RBMS3: variants seen among roughly 807,000 people sequenced by gnomAD.
RBMS3 encodes RNA binding motif single stranded interacting protein 3, also known as RNA-binding motif, single-stranded-interacting protein 3.
A neutral mutation model predicts 66.8 loss-of-function variants in RBMS3; 27 were observed. That is an observed-to-expected ratio of 0.40 (90% CI 0.30 to 0.56). The LOEUF is 0.56. Among genes scored for constraint, RBMS3 ranks in the 20% least tolerant of loss-of-function variants. RBMS3 has a pLI of 0.40. For synonymous variants in RBMS3, 188 were observed against 183.0 expected (o/e 1.03, Z -0.22); for missense variants, 513 against 549.5 (o/e 0.93, Z 0.66).
At chr3:29,817,812 A>T (rs1490967861) in intron 6 of RBMS3, among the ~76,000 whole-genome samples, 2 of 152,018 alleles carry the variant, frequency 1.3e-5, no homozygotes, top group South Asian at 4.1e-4. Context: ...ATAGAATATT[A>T]TAAAAAAAAC....
intron 12 of RBMS3, among the ~76,000 whole-genome samples, chr3:29,970,057 G>A (rs189451425): frequency 4.9e-4 from 74 of 152,140 alleles, no homozygotes; most frequent in African/African-American, 1.2e-3. Flanking sequence ...GAGGATGTTC[G>A]TTTATATCCA....
intron 3 of RBMS3, among the ~76,000 whole-genome samples, chr3:29,508,498 A>G (rs1040610681): frequency 6.6e-6 from 1 of 152,170 alleles, no homozygotes; most frequent in East Asian, 1.9e-4. Context: ...AATGGTTTCC[A>G]GCTTCATCCA....
intron 3 of RBMS3, among the ~76,000 whole-genome samples, chr3:29,534,465 C>T (rs1458116628): frequency 2.0e-5 from 3 of 152,122 alleles, no homozygotes; most frequent in Non-Finnish European, 2.9e-5. Context: ...TAAATTCATA[C>T]TCTGTAATAG....
intron 7 of RBMS3, among the ~76,000 whole-genome samples, chr3:29,871,731 G>T (rs1577042125): frequency 6.6e-6 from 1 of 152,032 alleles, no homozygotes; most frequent in Non-Finnish European, 1.5e-5. Flanking sequence ...CATGTGAAAG[G>T]GATTTCTGAC....
chr3:29,975,004 ATT>A (rs1697477686), intron 12 of RBMS3, among the ~76,000 whole-genome samples: 1 of 105,310 alleles, frequency 9.5e-6, no homozygotes, highest in Admixed American at 1.1e-4. Flanking sequence ...ACGTTTCTAT[ATT>A]TATTTTATAT....
chr3:29,573,146 A>G (rs2149070066), intron 3 of RBMS3, among the ~76,000 whole-genome samples: 1 of 152,034 alleles, frequency 6.6e-6, no homozygotes, highest in African/African-American at 2.4e-5. Context: ...TTTGAGATGG[A>G]GTCTTGTTCT....
chr3:29,816,299 CAG>C (rs1312553394), intron 6 of RBMS3, among the ~76,000 whole-genome samples: 3 of 91,388 alleles, frequency 3.3e-5, no homozygotes, highest in African/African-American at 1.2e-4. Flanking sequence ...CAGACACACA[CAG>C]ACACACACAG....
chr3:29,938,661 A>G (rs2061323930), intron 11 of RBMS3, among the ~76,000 whole-genome samples: 1 of 151,928 alleles, frequency 6.6e-6, no homozygotes. Flanking sequence ...TGGAGTGACT[A>G]TTATCCAGTT....
chr3:29,734,458 C>A (rs1257753202), intron 4 of RBMS3, among the ~76,000 whole-genome samples: 1 of 152,056 alleles, frequency 6.6e-6, no homozygotes, highest in Admixed American at 6.5e-5. Context: ...ATGCTAATGA[C>A]CCTGATTCAA....
At chr3:29,319,180 A>G (rs2034865487) in intron 1 of RBMS3, among the ~76,000 whole-genome samples, 1 of 151,948 alleles carries the variant, frequency 6.6e-6, no homozygotes, top group Non-Finnish European at 1.5e-5. Context: ...TGACATAAGG[A>G]AAGGATTCAC....
intron 3 of RBMS3, among the ~76,000 whole-genome samples, chr3:29,552,351 A>G (rs1266993501): frequency 6.6e-6 from 1 of 152,100 alleles, no homozygotes; most frequent in African/African-American, 2.4e-5. Context: ...TCCCTTTTTG[A>G]ACTAGACATC....
chr3:29,977,672 A>G (rs756667889), intron 12 of RBMS3, among the ~76,000 whole-genome samples: 3 of 152,152 alleles, frequency 2.0e-5, no homozygotes, highest in Non-Finnish European at 2.9e-5. Flanking sequence ...ATGATTTCAT[A>G]ATAGGTAAAA....
chr3:29,961,191 C>T lies in RBMS3; in HGVS notation c.1098+16937C>T, dbSNP rs142325394. 4.7e-3 allele frequency among the ~76,000 whole-genome samples: 713 copies of T among 152,214 alleles called. 3 individuals carry two copies. The highest frequency in any genetic ancestry group is 0.016 in the African/African-American group (677 of 41,542). On this transcript the variant is annotated intron_variant, in intron 12 of 14. Coordinates refer to ENST00000383767, the MANE Select transcript of RBMS3 (RefSeq NM_001003793.3). ...TTCAAAGTTCCACAGATCTCTAGGG[C>T]GGGGGCAAAATGCCTCCAGTCTCTT...
At chr3:29,955,879 C>T (rs1011322520) in intron 12 of RBMS3, among the ~76,000 whole-genome samples, 3 of 152,070 alleles carry the variant, frequency 2.0e-5, no homozygotes, top group African/African-American at 7.2e-5. Context: ...CCTGTTTGCT[C>T]ACTTCATCTT....
At chr3:29,509,967 A>C (rs2044333794) in intron 3 of RBMS3, among the ~76,000 whole-genome samples, 1 of 152,186 alleles carries the variant, frequency 6.6e-6, no homozygotes, top group Admixed American at 6.5e-5. Context: ...CAGATTCTCA[A>C]TTCATGGTTA....
At chr3:29,772,006 T>C (rs1358035011) in intron 6 of RBMS3, among the ~76,000 whole-genome samples, 2 of 151,932 alleles carry the variant, frequency 1.3e-5, no homozygotes, top group African/African-American at 2.4e-5. Context: ...CCCATTACCA[T>C]GGTTTATCTG....
At chr3:29,336,849 A>G (rs979190731) in intron 1 of RBMS3, among the ~76,000 whole-genome samples, 1 of 152,126 alleles carries the variant, frequency 6.6e-6, no homozygotes, top group Non-Finnish European at 1.5e-5. Context: ...AAAAGACAAT[A>G]TGTTGATTTT....
intron 2 of RBMS3, among the ~76,000 whole-genome samples, chr3:29,463,655 T>G (rs2042444510): frequency 6.7e-6 from 1 of 149,642 alleles, no homozygotes; most frequent in South Asian, 2.1e-4. Context: ...AGAAATGCCT[T>G]AAAGAGAGAG....
rs1013542988 is a variant in RBMS3 at position 29,444,177 on chromosome 3, G to A, written c.248+9262G>A. 5.3e-5 allele frequency among the ~76,000 whole-genome samples: 8 copies of A among 151,498 alleles called. No homozygotes were observed. In the South Asian group the frequency reaches 1.0e-3, roughly 20 times the overall value. On this transcript the variant is annotated intron_variant, in intron 2 of 14. Coordinates refer to ENST00000383767, the MANE Select transcript of RBMS3 (RefSeq NM_001003793.3). ...TTAAATCCATATTGATGAGACAATA[G>A]TGTGGTATCTAATATGTACTACAGA...
Sources: gnomAD v4.1 joint callset for allele counts (sites outside exome capture counted in the v4.1 genomes callset) on GRCh38, gnomAD v4.1.1 for gene constraint, MANE v1.5 for transcripts, NCBI Gene and HGNC (gene_info 2026-07-23, HGNC 2026-07-21) for gene names.